ERBB2: variants seen among roughly 807,000 people sequenced by gnomAD.
ERBB2 encodes the protein erb-b2 receptor tyrosine kinase 2.
ERBB2 carries 61 observed loss-of-function variants against 149.0 expected under a neutral mutation model. That is an observed-to-expected ratio of 0.41 (90% CI 0.33 to 0.51). The LOEUF is 0.51. Ranked by LOEUF, ERBB2 falls within the 20% of genes least tolerant of loss-of-function variation. The pLI, the probability that ERBB2 is intolerant of heterozygous loss-of-function variation, is 0.25. For synonymous variants in ERBB2, 633 were observed against 678.8 expected (o/e 0.93, Z 1.05); for missense variants, 1,205 against 1,655.1 (o/e 0.73, Z 4.72).
upstream of ERBB2, among the ~76,000 whole-genome samples, chr17:39,694,252 T>C (rs1363777338): frequency 4.3e-4 from 12 of 28,048 alleles, 1 homozygote; most frequent in East Asian, 1.1e-3. Context: ...TATATATATA[T>C]ATATATATAT....
At chr17:39,695,054 A>T (rs1378932689) in exon 1 of ERBB2, 2 of 152,556 alleles carry the variant, frequency 1.3e-5, no homozygotes, top group African/African-American at 2.4e-5. Flanking sequence ...GTCACAGATA[A>T]AACGGGGGCA....
chr17:39,692,359 G>A (rs566653779), upstream of ERBB2, among the ~76,000 whole-genome samples: 27 of 152,088 alleles, frequency 1.8e-4, no homozygotes, highest in Middle Eastern at 0.01. Context: ...CTTGCCTCTG[G>A]TGGGAAGTGG....
At chr17:39,722,140 A>G (rs1404230513) in intron 16 of ERBB2, among the ~76,000 whole-genome samples, 1 of 152,048 alleles carries the variant, frequency 6.6e-6, no homozygotes, top group Non-Finnish European at 1.5e-5. Context: ...CTGGTCTCGA[A>G]CTCGAGAGCT....
At position 39,702,194 on chromosome 17, in the gene ERBB2, G is replaced by A. The variant is rs955394600; in HGVS notation, c.73+1883G>A. ...ACGTGCCTGTAGTCCCAGCTACTCC[G>A]GAGGCTGAGGCAGGAGGATCACCTG... On this transcript the variant is annotated intron_variant, in intron 1 of 26. Coordinates refer to ENST00000269571, the MANE Select transcript of ERBB2 (RefSeq NM_004448.4). Among the ~76,000 whole-genome samples, 8 of 152,330 alleles carry A rather than the reference G, an allele frequency of 5.3e-5. No individual in the cohort carries two copies. In the East Asian group the frequency reaches 5.8e-4, roughly 11 times the overall value.
At chr17:39,705,177 A>G (rs1213314115) in intron 1 of ERBB2, among the ~76,000 whole-genome samples, 2 of 151,356 alleles carry the variant, frequency 1.3e-5, no homozygotes, top group African/African-American at 4.9e-5. Flanking sequence ...TGCTCAGCTC[A>G]GTTACTGTGG....
rs745994177 is a variant in ERBB2 at position 39,717,493 on chromosome 17, G to T, written c.1898+13G>T. 3 of 1,597,994 alleles carry T rather than the reference G, an allele frequency of 1.9e-6. No individual in the cohort carries two copies. The highest frequency in any genetic ancestry group is 2.6e-6 in the Non-Finnish European group (3 of 1,168,858). ...ACTGCACCCACTCGTGAGTCCAACG[G>T]TCTTTTCTGCAGAAAGGAGGACTTT... On this transcript the variant is annotated intron_variant, in intron 15 of 26. Coordinates refer to ENST00000269571, the MANE Select transcript of ERBB2 (RefSeq NM_004448.4).
At chr17:39,710,060 C>G (rs2145499621) in intron 5 of ERBB2, 26 bp from the exon 6 acceptor site, 1 of 1,589,396 alleles carries the variant, frequency 6.3e-7, no homozygotes, top group East Asian at 2.2e-5. Flanking sequence ...CGCCACTCAG[C>G]CCTCATCCTG....
intron 2 of ERBB2, chr17:39,708,004 A>G (rs372366005): frequency 8.0e-6 from 2 of 249,574 alleles, no homozygotes; most frequent in South Asian, 8.6e-5. Flanking sequence ...CGTCTCAAAA[A>G]AAAAAAATTT....
In ERBB2 at chr17:39,716,592, C is replaced by A. The variant is rs2059143570; in HGVS notation, c.1724C>A (p.Thr575Asn). Residue 575 changes from threonine to asparagine, a missense_variant, in exon 14 of 27, where the codon ACC becomes AAC. By Grantham distance (65) the Thr-to-Asn change is moderately conservative. Coordinates refer to ENST00000269571, the MANE Select transcript of ERBB2 (RefSeq NM_004448.4). Reference sequence around the variant, plus strand: ...TGTCAGCCCCAGAATGGCTCAGTGACCTGTTTTGGACCGGTGAGCTGCTGG... The same window carrying A: ...TGTCAGCCCCAGAATGGCTCAGTGAACTGTTTTGGACCGGTGAGCTGCTGG... Reference protein sequence around the residue: ...PECQPQNGSVTCFGPEADQCV... With the variant: ...PECQPQNGSVNCFGPEADQCV... The A allele has an allele frequency of 1.9e-6, 3 of 1,613,904 alleles. No homozygotes were observed. Among genetic ancestry groups the A allele is most frequent in the Admixed American group, 1.7e-5 (1 of 59,982 alleles).
chr17:39,724,668 G>T, intron 19 of ERBB2, 58 bp from the exon 20 acceptor site: 1 of 1,493,882 alleles, frequency 6.7e-7, no homozygotes, highest in Non-Finnish European at 9.3e-7. Flanking sequence ...TTGGGAGGCT[G>T]TGTGGTGTTT....
chr17:39,697,839 G>T (rs2057902678), upstream of ERBB2, among the ~76,000 whole-genome samples: 1 of 151,888 alleles, frequency 6.6e-6, no homozygotes, highest in Middle Eastern at 3.4e-3. Context: ...GATTACAGGT[G>T]CCTGCCACCA....
In ERBB2 at chr17:39,717,417, C is replaced by G. The variant is rs2145710091; in HGVS notation, c.1835C>G (p.Pro612Arg). ...SGVKPDLSYM[P>R]IWKFPDEEGA... The stretch of plus-strand genomic sequence containing the variant: ...GTGAAACCTGACCTCTCCTACATGC[C>G]CATCTGGAAGTTTCCAGATGAGGAG... The change falls in exon 15 of 27, where the codon CCC becomes CGC. Residue 612 changes from proline (P) to arginine (R), a missense_variant. Transcript: ENST00000269571. 6.8e-6 allele frequency: 11 copies of G among 1,613,238 alleles called. No individual in the cohort carries two copies. The highest frequency in any genetic ancestry group is 9.3e-6 in the Non-Finnish European group (11 of 1,179,956).
At chr17:39,689,086 A>G (rs2057633750) in intron 2 of ERBB2, among the ~76,000 whole-genome samples, 1 of 151,572 alleles carries the variant, frequency 6.6e-6, no homozygotes, top group Non-Finnish European at 1.5e-5. Flanking sequence ...CACTCTCCTC[A>G]CCCCTTGTCA....
Position 39,727,173 on chromosome 17 carries a change from G to T in ERBB2, c.3160-122G>T. ...ACCCCTGTGACCCCATTCTCTCCAC[G>T]GTGACTGTGTCATACCCCAAAGGTG... is the stretch of plus-strand genomic sequence containing the variant. On this transcript the variant is annotated intron_variant, in intron 25 of 26. Transcript: ENST00000269571. This position sits in a 1 kb window ranked among gnomAD's most constrained non-coding sequence, Gnocchi z 4.3. The T allele has an allele frequency of 7.6e-7, 1 of 1,323,828 alleles. No individual in the cohort carries two copies. Among genetic ancestry groups the T allele is most frequent in the South Asian group, 1.3e-5 (1 of 77,538 alleles). 82.0% of individuals were successfully genotyped at this position (1,323,828 alleles called of 1,614,324 possible).
chr17:39,694,340 T>A (rs2057812974), upstream of ERBB2, among the ~76,000 whole-genome samples: 2 of 138,482 alleles, frequency 1.4e-5, no homozygotes, highest in Non-Finnish European at 3.1e-5. Flanking sequence ...TATGTGTATA[T>A]ATAAAATAAA....
In ERBB2 at chr17:39,716,490, C is replaced by T. The variant is rs770414699; in HGVS notation, c.1647-25C>T. 2.5e-6 allele frequency: 4 copies of T among 1,613,824 alleles called. No individual in the cohort carries two copies. In the East Asian group the frequency reaches 8.9e-5, roughly 36 times the overall value. On this transcript the variant is annotated intron_variant, in intron 13 of 26. Transcript: ENST00000269571. The stretch of plus-strand genomic sequence containing the variant: ...GGGTGCATGGGGCTCCTCTCAGACC[C>T]CCTCACCACTGTCCCTTCTCTCAGG...
At chr17:39,699,997 A>T (rs866663673), upstream of ERBB2, 77 of 1,266,348 alleles carry the variant, frequency 6.1e-5, no homozygotes, top group South Asian at 8.3e-4. Flanking sequence ...CAATCACAGG[A>T]GAAGGAGGAG....
At chr17:39,690,827 T>G (rs948540299), upstream of ERBB2, among the ~76,000 whole-genome samples, 1 of 151,830 alleles carries the variant, frequency 6.6e-6, no homozygotes, top group Non-Finnish European at 1.5e-5. Context: ...ATTGTACTCA[T>G]GGGGGAAAAA....
At position 39,723,858 on chromosome 17, in the gene ERBB2, C is replaced by A. The variant is rs2145822373; in HGVS notation, c.2209-54C>A. 1.3e-6 allele frequency: 2 copies of A among 1,533,798 alleles called. No homozygotes were observed. Among genetic ancestry groups the A allele is most frequent in the Non-Finnish European group, 1.8e-6 (2 of 1,108,842 alleles). The stretch of plus-strand genomic sequence containing the variant: ...GGACAAGTAATGATCTCCTGGAAGG[C>A]AGGTAGGATCCAGCCCACGCTCTTC... On this transcript the variant is annotated intron_variant, in intron 18 of 26. Coordinates refer to ENST00000269571, the MANE Select transcript of ERBB2 (RefSeq NM_004448.4). This position sits in a 1 kb window ranked among gnomAD's most constrained non-coding sequence, Gnocchi z 6.2.
Sources: gnomAD v4.1 joint callset for allele counts (sites outside exome capture counted in the v4.1 genomes callset) on GRCh38, gnomAD v4.1.1 for gene constraint, Gnocchi (gnomAD v3.1) non-coding constraint, MANE v1.5 for transcripts, NCBI Gene and HGNC (gene_info 2026-07-23, HGNC 2026-07-21) for gene names.